Variants in WFS1 observed in about 807,000 individuals in gnomAD.
The protein encoded by WFS1 is wolframin.
In WFS1, 90 loss-of-function variants were observed where a neutral mutation model predicts 68.5. That is an observed-to-expected ratio of 1.31 (90% confidence interval 1.11 to 1.56). The LOEUF is 1.56. Among genes scored for constraint, WFS1 ranks in the 40% most tolerant of loss-of-function variants. The pLI is 0.00. For synonymous variants in WFS1, 860 were observed against 540.7 expected (o/e 1.59, Z -8.19); for missense variants, 1,767 against 1,232.6 (o/e 1.43, Z -6.49).
At chr4:6,291,437 C>CAT (rs1323470505) in intron 5 of WFS1, 70 bp downstream of exon 5, 2 of 1,573,886 alleles carry the variant, frequency 1.3e-6, no homozygotes, top group African/African-American at 1.3e-5. Context: ...AGGACCTTCC[C>CAT]ATAGGGGCTG....
At chr4:6,292,072 G>A (rs921559357) in intron 6 of WFS1, 75 bp downstream of exon 6, 89 of 1,456,788 alleles carry the variant, frequency 6.1e-5, no homozygotes, top group Non-Finnish European at 8.3e-5. Context: ...CTTCCTGTGC[G>A]ACTCCATCCT....
At position 6,295,201 on chromosome 4, in the gene WFS1, A is replaced by C. The variant is rs1730600661; in HGVS notation, c.861+12A>C. ...CACTGCGTCTGAAGGTGAGTGACCAAGACCCCGGTCAGGCCGGAGCCTGCC... is the reference window on the plus strand; with the variant it reads ...CACTGCGTCTGAAGGTGAGTGACCACGACCCCGGTCAGGCCGGAGCCTGCC... On this transcript the variant is annotated intron_variant, in intron 7 of 7. Coordinates refer to ENST00000226760, the MANE Select transcript of WFS1 (RefSeq NM_006005.3). 6.2e-7 allele frequency: 1 copy of C among 1,611,114 alleles called. No individual in the cohort carries two copies. Among genetic ancestry groups the C allele is most frequent in the Non-Finnish European group, 8.5e-7 (1 of 1,180,024 alleles).
chr4:6,270,414 C>T (rs1729768174), intron 1 of WFS1, among the ~76,000 whole-genome samples: 1 of 151,858 alleles, frequency 6.6e-6, no homozygotes, highest in Non-Finnish European at 1.5e-5. Flanking sequence ...CCACGGCCGC[C>T]CTCGGTGCCC....
intron 2 of WFS1, among the ~76,000 whole-genome samples, chr4:6,281,516 C>T (rs1730168737): frequency 6.6e-6 from 1 of 152,166 alleles, no homozygotes; most frequent in Admixed American, 6.5e-5. Flanking sequence ...GGCTGAGGGA[C>T]AGGTAGACAT....
chr4:6,279,364 G>A (rs1029447785), intron 2 of WFS1, among the ~76,000 whole-genome samples: 6 of 152,250 alleles, frequency 3.9e-5, no homozygotes, highest in African/African-American at 1.4e-4. Context: ...GCCCTGGGAG[G>A]CAGGCTCTGC....
rs1339675519 is a variant in WFS1 at position 6,283,601 on chromosome 4, C to T, written c.233-3492C>T. ...ACAGTTCAAGCTGGCATCCACGTGC[C>T]AAGATGAGCAGAAGGTGAAAGCCCA... is the stretch of plus-strand genomic sequence containing the variant. On this transcript the variant is annotated intron_variant, in intron 2 of 7. Transcript: ENST00000226760. This position sits in a 1 kb window ranked among gnomAD's most constrained non-coding sequence, Gnocchi z 5.0. Among the ~76,000 whole-genome samples, 6 of 152,220 alleles carry T rather than the reference C, an allele frequency of 3.9e-5. No homozygotes were observed. The highest frequency in any genetic ancestry group is 2.0e-4 in the Admixed American group (3 of 15,282).
In WFS1 at chr4:6,277,433, C is replaced by T. The variant is rs1730026320; in HGVS notation, c.-5-18C>T. ...CTCTGCCGGTGCTGGATGTGCCTGA[C>T]CTTGACTTTTCTTCCAGGCAGGATG... On this transcript the variant is annotated intron_variant, in intron 1 of 7. Coordinates refer to ENST00000226760, the MANE Select transcript of WFS1 (RefSeq NM_006005.3). The T allele has an allele frequency of 1.3e-6, 2 of 1,549,602 alleles. No individual in the cohort carries two copies. The highest frequency in any genetic ancestry group is 2.4e-5 in the East Asian group (1 of 40,976).
chr4:6,281,752 G>A (rs1730175559), intron 2 of WFS1, among the ~76,000 whole-genome samples: 1 of 152,098 alleles, frequency 6.6e-6, no homozygotes, highest in African/African-American at 2.4e-5. Context: ...GTGCTACTCA[G>A]GGCACCCACC....
At chr4:6,292,183 C>A (rs962769434) in intron 6 of WFS1, among the ~76,000 whole-genome samples, 186 bp downstream of exon 6, 1 of 152,188 alleles carries the variant, frequency 6.6e-6, no homozygotes, top group Admixed American at 6.5e-5. Context: ...TCAGGCGGTC[C>A]GTTTGGGGCT....
In WFS1 at chr4:6,300,845, C is replaced by G. The variant is rs557974956; in HGVS notation, c.1050C>G (p.Phe350Leu). ...FFAFFIPLVI[F>L]YLSFISMVIC... The stretch of plus-strand genomic sequence containing the variant: ...CCTTCTTCATCCCGCTGGTCATCTT[C>G]TACCTGTCCTTCATCTCCATGGTGA... Residue 350 changes from phenylalanine (F) to leucine (L), a missense_variant, in exon 8 of 8, where the codon TTC (phenylalanine) becomes TTG (leucine). Transcript: ENST00000226760. 2.1e-5 allele frequency: 34 copies of G among 1,614,152 alleles called. No individual in the cohort carries two copies. In the South Asian group the frequency reaches 3.2e-4, roughly 15 times the overall value.
intron 7 of WFS1, among the ~76,000 whole-genome samples, chr4:6,298,800 T>G (rs550864754): frequency 2.6e-5 from 4 of 152,340 alleles, no homozygotes; most frequent in South Asian, 4.1e-4. Flanking sequence ...CATTCTGGTG[T>G]TGTCACCTAG....
chr4:6,280,671 G>A (rs967841505), intron 2 of WFS1, among the ~76,000 whole-genome samples: 4 of 152,224 alleles, frequency 2.6e-5, no homozygotes, highest in African/African-American at 9.6e-5. Flanking sequence ...TGGGCATGCT[G>A]TGGCTATCAT....
intron 2 of WFS1, among the ~76,000 whole-genome samples, chr4:6,282,677 G>C (rs1019168962): frequency 3.3e-5 from 5 of 152,190 alleles, no homozygotes; most frequent in African/African-American, 1.2e-4. Context: ...GGAAAATTTT[G>C]TGCATGTTTT....
chr4:6,277,926 CCTT>C (rs1730047190), intron 2 of WFS1, among the ~76,000 whole-genome samples: 1 of 152,270 alleles, frequency 6.6e-6, no homozygotes, highest in Admixed American at 6.5e-5. Context: ...CCTCTGCAGT[CCTT>C]CTCTTCCCAG....
intron 2 of WFS1, among the ~76,000 whole-genome samples, chr4:6,285,254 TTCCAGGGACGGGGACA>T (rs1730281684): frequency 6.8e-6 from 1 of 147,080 alleles, no homozygotes; most frequent in Admixed American, 6.8e-5. Context: ...GGGAGGAGTC[TTCCAGGGACGGGGACA>T]TCCAGGGAGA....
At chr4:6,289,252 A>C in intron 4 of WFS1, 121 bp downstream of exon 4, 1 of 1,371,960 alleles carries the variant, frequency 7.3e-7, no homozygotes, top group Non-Finnish European at 9.8e-7. Context: ...GGGAAATTTC[A>C]GTTTCTGTTT....
chr4:6,293,754 G>A (rs1042864482), intron 6 of WFS1, among the ~76,000 whole-genome samples: 2 of 152,194 alleles, frequency 1.3e-5, no homozygotes, highest in Non-Finnish European at 2.9e-5. Flanking sequence ...CTTCCTTGTG[G>A]GGACCAGGGT....
rs1180222497 is a variant in WFS1, at chr4:6,270,031, T to TGGGGCAGTGGCGCGGTGGCTG, written c.-6+18_-6+38dup. On this transcript the variant is annotated intron_variant, in intron 1 of 7. Coordinates refer to ENST00000226760, the MANE Select transcript of WFS1 (RefSeq NM_006005.3). ...CACGGGCCGGTGAGTACTTCGGCGC[T>TGGGGCAGTGGCGCGGTGGCTG]GGGGCAGTGGCGCGGTGGCTGTGGG... is the stretch of plus-strand genomic sequence containing the variant. 2 of 121,526 alleles carry TGGGGCAGTGGCGCGGTGGCTG rather than the reference T, an allele frequency of 1.6e-5. No individual in the cohort carries two copies. The highest frequency in any genetic ancestry group is 3.4e-5 in the Non-Finnish European group (2 of 59,290). 7.5% of individuals were successfully genotyped at this position (121,526 alleles called of 1,614,324 possible). A position where few individuals can be genotyped will look rare whatever the true frequency, so the allele number is the denominator to read the frequency against.
rs770375742 is a variant in WFS1, at chr4:6,300,801, C to G, written c.1006C>G (p.Leu336Val). The change falls in exon 8 of 8, where the codon CTC becomes GTC. Residue 336 changes from leucine (L) to valine (V), a missense_variant. Physicochemically the swap from Leu to Val is conservative, Grantham distance 32. Coordinates refer to ENST00000226760, the MANE Select transcript of WFS1 (RefSeq NM_006005.3). ...ALIFFFIVSN[L>V]TIDFFAFFIP... ...CATCTTCTTCTTCATCGTCAGCAAC[C>G]TCACCATCGACTTCTTCGCCTTCTT... 3.1e-6 allele frequency: 5 copies of G among 1,613,930 alleles called. No homozygotes were observed. The highest frequency in any genetic ancestry group is 4.2e-6 in the Non-Finnish European group (5 of 1,179,974).
Sources: allele counts gnomAD v4.1 joint callset (sites outside exome capture counted in the v4.1 genomes callset), GRCh38; gene constraint gnomAD v4.1.1; non-coding constraint Gnocchi (gnomAD v3.1); transcripts MANE v1.5; gene names NCBI Gene and HGNC (gene_info 2026-07-23, HGNC 2026-07-21).